The following MXRA7 variants were observed in gnomAD, a reference collection of about 807,000 sequenced individuals.
MXRA7 encodes the protein matrix remodeling associated 7, also known as matrix-remodeling-associated protein 7.
A neutral mutation model predicts 17.4 loss-of-function variants in MXRA7; 18 were observed. The observed-to-expected ratio is 1.03, with a 90% CI of 0.71 to 1.53. MXRA7 has a LOEUF of 1.53. MXRA7 is among the 40% of genes most tolerant of loss of function. MXRA7 has a pLI of 0.00. For synonymous variants in MXRA7, 70 were observed against 101.7 expected (o/e 0.69, Z 1.87); for missense variants, 141 against 209.3 (o/e 0.67, Z 2.01).
At chr17:76,690,809 G>T (rs989258340) in intron 1 of MXRA7, among the ~76,000 whole-genome samples, 1 of 152,092 alleles carries the variant, frequency 6.6e-6, no homozygotes, top group Admixed American at 6.5e-5. Flanking sequence ...CAGGGCTCAA[G>T]CGATCCTCCT....
At chr17:76,695,353 G>GGTGGGTGTGT (rs2076522055) in intron 1 of MXRA7, among the ~76,000 whole-genome samples, 2 of 147,998 alleles carry the variant, frequency 1.4e-5, no homozygotes, top group East Asian at 4.0e-4. Flanking sequence ...TTTAGCTTCA[G>GGTGGGTGTGT]GTGTGTGTGT....
chr17:76,682,857 C>T (rs1421880558), intron 3 of MXRA7, among the ~76,000 whole-genome samples: 9 of 152,284 alleles, frequency 5.9e-5, no homozygotes, highest in South Asian at 2.1e-4. Flanking sequence ...AGTCTTCCCT[C>T]GTCCCAGGAG....
At chr17:76,687,999 T>TC in intron 2 of MXRA7, 114 bp downstream of exon 2, 22 of 801,682 alleles carry the variant, frequency 2.7e-5, no homozygotes, top group Middle Eastern at 3.8e-4. Context: ...CAGGCCACTG[T>TC]CCCACCCCAT....
intron 2 of MXRA7, among the ~76,000 whole-genome samples, chr17:76,687,676 G>T (rs2076415014): frequency 6.6e-6 from 1 of 152,258 alleles, no homozygotes; most frequent in South Asian, 2.1e-4. Flanking sequence ...AGCCAGAGCT[G>T]CTTAGAAAGC....
exon 4 of MXRA7, chr17:76,673,705 A>C (rs886476842): frequency 6.8e-6 from 1 of 146,366 alleles, no homozygotes. Context: ...AAAAAAAAAA[A>C]GGAAAACCAG....
At position 76,688,394 on chromosome 17, in the gene MXRA7, G is replaced by A. The variant is rs1322611735; in HGVS notation, c.343-218C>T. On this transcript the variant is annotated intron_variant, in intron 1 of 3. Coordinates refer to ENST00000449428, the MANE Select transcript of MXRA7 (RefSeq NM_198530.4). ...CGGCTCACAAATGCTGAGCTGAGGC[G>A]TGTTCTTGACTGTGCACCCCAAGCC... The A allele has an allele frequency of 1.4e-5, 20 of 1,428,994 alleles. No individual in the cohort carries two copies. The Admixed American group carries it at 1.7e-4, about 12-fold the overall frequency. 88.5% of individuals were successfully genotyped at this position (1,428,994 alleles called of 1,614,324 possible). A position where few individuals can be genotyped will look rare whatever the true frequency, so the allele number is the denominator to read the frequency against.
downstream of MXRA7, chr17:76,679,495 A>G (rs2076270638): frequency 1.6e-6 from 1 of 630,964 alleles, no homozygotes; most frequent in African/African-American, 2.0e-5. Flanking sequence ...TCAAAATGAA[A>G]GAAAGGTCAA....
intron 3 of MXRA7, chr17:76,683,996 C>T (rs911548134): frequency 1.2e-5 from 14 of 1,216,058 alleles, no homozygotes; most frequent in Non-Finnish European, 1.6e-5. Flanking sequence ...GGACTCGGGG[C>T]TCCTGCCAGG....
intron 2 of MXRA7, among the ~76,000 whole-genome samples, chr17:76,686,136 G>A (rs891820531): frequency 6.6e-6 from 1 of 151,932 alleles, no homozygotes; most frequent in African/African-American, 2.4e-5. Context: ...ATGGGGAGGC[G>A]GGGGGGCTCT....
At chr17:76,686,152 T>C (rs573159435) in intron 2 of MXRA7, among the ~76,000 whole-genome samples, 394 of 151,504 alleles carry the variant, frequency 2.6e-3, no homozygotes, top group South Asian at 4.8e-3. Flanking sequence ...GCTCTCAGGG[T>C]GAAAGGAAGA....
At chr17:76,704,524 C>T (rs1244424377) in intron 1 of MXRA7, among the ~76,000 whole-genome samples, 15 of 147,106 alleles carry the variant, frequency 1.0e-4, no homozygotes, top group Non-Finnish European at 1.6e-4. Flanking sequence ...TTTTTTCATG[C>T]CTGTAATCCC....
chr17:76,705,463 G>C (rs2076645086), intron 1 of MXRA7, among the ~76,000 whole-genome samples: 1 of 152,000 alleles, frequency 6.6e-6, no homozygotes, highest in African/African-American at 2.4e-5. Flanking sequence ...GCTAATTAAT[G>C]AACATTTGGA....
chr17:76,677,149 AGG>A (rs2076246630), downstream of MXRA7: 1 of 154,228 alleles, frequency 6.5e-6, no homozygotes, highest in East Asian at 1.9e-4. Context: ...AAAATTAGCC[AGG>A]TGTGATGGTG....
rs111751938 is a variant in MXRA7, at chr17:76,706,395, G to A, written c.342+4210C>T. On this transcript the variant is annotated intron_variant, in intron 1 of 3. Coordinates refer to ENST00000449428, the MANE Select transcript of MXRA7 (RefSeq NM_198530.4). ...CCACGCTGCCGTCACAGAGGCCCAC[G>A]CTGCCGTCACAGAGGCCCACACTGC... Among the ~76,000 whole-genome samples, 10 of 121,016 alleles carry A rather than the reference G, an allele frequency of 8.3e-5. No individual in the cohort carries two copies. In the East Asian group the frequency reaches 2.2e-3, roughly 27 times the overall value. 79.4% of individuals were successfully genotyped at this position (121,016 alleles called of 152,430 possible). A position where few individuals can be genotyped will look rare whatever the true frequency, so the allele number is the denominator to read the frequency against.
intron 3 of MXRA7, among the ~76,000 whole-genome samples, chr17:76,682,676 T>G (rs2076322260): frequency 6.7e-6 from 1 of 150,176 alleles, no homozygotes; most frequent in African/African-American, 2.5e-5. Flanking sequence ...GGGGCAGAGG[T>G]GTGGGGGAGC....
At chr17:76,695,353 GGTGTGT>G (rs71158054) in intron 1 of MXRA7, among the ~76,000 whole-genome samples, 12 of 147,996 alleles carry the variant, frequency 8.1e-5, no homozygotes, top group African/African-American at 2.3e-4. Context: ...TTTAGCTTCA[GGTGTGT>G]GTGTGTGTGT....
exon 4 of MXRA7, chr17:76,673,183 G>A (rs921126188): frequency 6.6e-6 from 1 of 152,268 alleles, no homozygotes; most frequent in Admixed American, 6.5e-5. Flanking sequence ...GCTGCCCCCA[G>A]AACAGGATGT....
At chr17:76,684,671 T>G (rs1291216188) in intron 3 of MXRA7, 2 of 446,200 alleles carry the variant, frequency 4.5e-6, no homozygotes, top group East Asian at 1.5e-4. Context: ...ATCCGCTGTG[T>G]CCCGAAGGAG....
At chr17:76,674,692 C>G (rs935680492), downstream of MXRA7, 1 of 152,302 alleles carries the variant, frequency 6.6e-6, no homozygotes, top group Non-Finnish European at 1.5e-5. Context: ...GCCATGTATT[C>G]AGGGGATGCT....
Sources: allele counts gnomAD v4.1 joint callset (sites outside exome capture counted in the v4.1 genomes callset), GRCh38; gene constraint gnomAD v4.1.1; transcripts MANE v1.5; gene names NCBI Gene and HGNC (gene_info 2026-07-23, HGNC 2026-07-21).